Variants in SEMA6A observed in about 807,000 individuals in gnomAD.
The protein encoded by SEMA6A is semaphorin-6A.
In SEMA6A, 25 loss-of-function variants were observed where a neutral mutation model predicts 96.8. The ratio of observed to expected loss-of-function variants is 0.26; its 90% CI spans 0.19 to 0.36. The LOEUF is 0.36. Among genes scored for constraint, SEMA6A ranks in the 10% least tolerant of loss-of-function variants. The pLI is 1.00. For missense variants in SEMA6A, 1,363 were observed against 1,323.1 expected (o/e 1.03, Z -0.47); for synonymous variants, 612 against 518.0 (o/e 1.18, Z -2.46).
intron 1 of SEMA6A, among the ~76,000 whole-genome samples, chr5:116,551,770 G>A (rs17140097): frequency 0.043 from 6,496 of 152,254 alleles, 154 homozygotes; most frequent in African/African-American, 0.059. Context: ...CTCAGAGGTC[G>A]TAATCACAAC....
intron 1 of SEMA6A, among the ~76,000 whole-genome samples, chr5:116,547,772 CCT>C (rs1329780627): frequency 1.9e-4 from 28 of 148,782 alleles, no homozygotes; most frequent in Admixed American, 3.3e-4. Context: ...CAAATGATCC[CCT>C]GAGTCAACAC....
At position 116,502,209 on chromosome 5, in the gene SEMA6A, C is replaced by T; in HGVS notation, c.218+1G>A. The T allele has an allele frequency of 6.2e-7, 1 of 1,613,340 alleles. No individual in the cohort carries two copies. Among genetic ancestry groups the T allele is most frequent in the Non-Finnish European group, 8.5e-7 (1 of 1,179,326 alleles). ...GCAGACATGGGGAAAAGGCCCCTTACCTAGCAGCAATGTAGAGGGTTCCGT... is the reference window on the plus strand; with the variant it reads ...GCAGACATGGGGAAAAGGCCCCTTATCTAGCAGCAATGTAGAGGGTTCCGT... On this transcript the variant is annotated splice_donor_variant, in intron 3 of 18. Coordinates refer to ENST00000343348, the MANE Select transcript of SEMA6A (RefSeq NM_020796.5). LOFTEE classifies it high-confidence loss of function.
chr5:116,484,744 C>G (rs1756965598), intron 10 of SEMA6A, among the ~76,000 whole-genome samples: 1 of 152,168 alleles, frequency 6.6e-6, no homozygotes, highest in African/African-American at 2.4e-5. Context: ...GACTAGCTGA[C>G]ATTTGAAGTA....
chr5:116,478,196 T>A, intron 13 of SEMA6A, 42 bp from the exon 14 acceptor site: 1 of 1,599,008 alleles, frequency 6.3e-7, no homozygotes, highest in South Asian at 1.1e-5. Context: ...TAGACTCTTC[T>A]CTTTTTCTCG....
At chr5:116,496,215 A>G (rs1382046346) in intron 5 of SEMA6A, 36 bp downstream of exon 5, 3 of 1,583,858 alleles carry the variant, frequency 1.9e-6, no homozygotes, top group South Asian at 1.1e-5. Flanking sequence ...AACTTAACCC[A>G]AAGTGGCAGC....
intron 6 of SEMA6A, among the ~76,000 whole-genome samples, chr5:116,494,905 T>G (rs1580434531): frequency 6.7e-6 from 1 of 150,358 alleles, no homozygotes; most frequent in South Asian, 2.2e-4. Flanking sequence ...GAGGGCTTTT[T>G]CCAGCCCTTG....
Position 116,489,029 on chromosome 5 carries a change from G to C in SEMA6A, c.536-22C>G, listed in dbSNP as rs536329683. The C allele has an allele frequency of 3.3e-4, 517 of 1,550,356 alleles. 4 individuals carry two copies. The South Asian group carries it at 4.3e-3, about 13-fold the overall frequency. The stretch of plus-strand genomic sequence containing the variant: ...CCATCTTAGAAGAAAAAGAAAAGAG[G>C]TGAACAGGGTGGGAGCAAGTCAGTG... On this transcript the variant is annotated intron_variant, in intron 7 of 18. Transcript: ENST00000343348.
At chr5:116,553,941 T>C (rs763908562) in intron 1 of SEMA6A, among the ~76,000 whole-genome samples, 2 of 152,128 alleles carry the variant, frequency 1.3e-5, no homozygotes, top group African/African-American at 2.4e-5. Context: ...TTAATACCAA[T>C]TGTGTTTTGG....
intron 1 of SEMA6A, among the ~76,000 whole-genome samples, chr5:116,546,889 C>T (rs1205946790): frequency 2.6e-5 from 4 of 152,206 alleles, no homozygotes; most frequent in South Asian, 2.1e-4. Flanking sequence ...TGCTCATTAT[C>T]GCTAGTCTGA....
chr5:116,476,229 T>C (rs1756440103), intron 15 of SEMA6A, among the ~76,000 whole-genome samples: 1 of 152,190 alleles, frequency 6.6e-6, no homozygotes, highest in Admixed American at 6.5e-5. Context: ...TAGGTCACCA[T>C]TGGGCTGTAC....
Position 116,446,617 on chromosome 5 carries a change from G to A in SEMA6A, c.3089C>T (p.Thr1030Ile), listed in dbSNP as rs1274628223. The A allele has an allele frequency of 6.7e-7, 1 of 1,495,412 alleles. No individual in the cohort carries two copies. Among genetic ancestry groups the A allele is most frequent in the East Asian group, 2.3e-5 (1 of 42,668 alleles). The allele number at this position is 1,495,412 out of a possible 1,614,324, so 92.6% of individuals were successfully genotyped here. Reference protein sequence around the residue: ...STSMKPNDACT With the variant: ...STSMKPNDACI ...CCTGACCCCCTCCCCCTGGGATTAT[G>A]TACACGCATCATTGGGCTTCATGGA... The change falls in exon 19 of 19, where the codon ACA becomes ATA. Residue 1030 changes from threonine to isoleucine, a missense_variant. Transcript: ENST00000343348.
intron 1 of SEMA6A, among the ~76,000 whole-genome samples, chr5:116,529,467 TC>T (rs1759369285): frequency 6.6e-6 from 1 of 152,166 alleles, no homozygotes; most frequent in African/African-American, 2.4e-5. Context: ...CCTGATTTGA[TC>T]CTTACACGTT....
intron 1 of SEMA6A, among the ~76,000 whole-genome samples, chr5:116,545,570 T>A (rs1760152869): frequency 1.3e-5 from 2 of 149,798 alleles, no homozygotes; most frequent in South Asian, 4.2e-4. Context: ...AACTTCATCT[T>A]AAAAAAAAAA....
intron 7 of SEMA6A, 104 bp downstream of exon 7, chr5:116,491,636 A>T: frequency 1.2e-6 from 1 of 829,204 alleles, no homozygotes; most frequent in East Asian, 2.5e-5. Context: ...TTCACCAGAG[A>T]ATCAAAGCAC....
rs1368787841 is a variant in SEMA6A at position 116,449,617 on chromosome 5, T to C, written c.1895-1806A>G. 1.4e-5 allele frequency: 6 copies of C among 415,680 alleles called. No homozygotes were observed. In the East Asian group the frequency reaches 2.5e-4, roughly 18 times the overall value. The allele number at this position is 415,680 out of a possible 1,614,324, so 25.7% of individuals were successfully genotyped here. A position where few individuals can be genotyped will look rare whatever the true frequency, so the allele number is the denominator to read the frequency against. The stretch of plus-strand genomic sequence containing the variant: ...CTGAAAAGTACATTCTCTTTTTCTT[T>C]CCTTCCTAAGGGTCCTCCTCCCTTC... On this transcript the variant is annotated intron_variant, in intron 18 of 18. Coordinates refer to ENST00000343348, the MANE Select transcript of SEMA6A (RefSeq NM_020796.5).
At chr5:116,543,581 T>C (rs1241871144) in intron 1 of SEMA6A, among the ~76,000 whole-genome samples, 1 of 152,246 alleles carries the variant, frequency 6.6e-6, no homozygotes, top group Non-Finnish European at 1.5e-5. Flanking sequence ...ACCTTTTAAT[T>C]CACAACGTGG....
At chr5:116,469,591 C>G (rs1755981539) in intron 17 of SEMA6A, 1 of 152,160 alleles carries the variant, frequency 6.6e-6, no homozygotes, top group Non-Finnish European at 1.5e-5. Context: ...ATAAAAAATA[C>G]CTCCCCTCCA....
chr5:116,476,568 GC>G (rs1756462011), intron 15 of SEMA6A, among the ~76,000 whole-genome samples: 1 of 152,172 alleles, frequency 6.6e-6, no homozygotes, highest in Non-Finnish European at 1.5e-5. Flanking sequence ...CAAAGGGAAC[GC>G]CCCATGTTTT....
intron 1 of SEMA6A, among the ~76,000 whole-genome samples, chr5:116,536,995 A>C (rs1759745435): frequency 6.6e-6 from 1 of 151,792 alleles, no homozygotes; most frequent in South Asian, 2.1e-4. Flanking sequence ...ACATTGTATT[A>C]GCATGTGTGA....
Sources: allele counts gnomAD v4.1 joint callset (sites outside exome capture counted in the v4.1 genomes callset), GRCh38; gene constraint gnomAD v4.1.1; transcripts MANE v1.5; gene names NCBI Gene and HGNC (gene_info 2026-07-23, HGNC 2026-07-21).